Variants in PLAUR observed in about 807,000 individuals in gnomAD.
PLAUR encodes the protein urokinase plasminogen activator surface receptor.
A neutral mutation model predicts 33.4 loss-of-function variants in PLAUR; 22 were observed. The observed-to-expected ratio is 0.66, with a 90% confidence interval of 0.47 to 0.94. The LOEUF is 0.94. PLAUR is among the 40% of genes least tolerant of loss of function. The pLI is 0.00. For missense variants in PLAUR, 408 were observed against 434.7 expected (o/e 0.94, Z 0.55); for synonymous variants, 148 against 167.3 (o/e 0.88, Z 0.89).
rs1967315726 is a variant in PLAUR at position 43,667,652 on chromosome 19, C to CA, written c.94_95insT (p.Gly32ValfsTer97). 4 of 1,613,904 alleles carry CA rather than the reference C, an allele frequency of 2.5e-6. No individual in the cohort carries two copies. Among genetic ancestry groups the CA allele is most frequent in the Non-Finnish European group, 3.4e-6 (4 of 1,180,012 alleles). On this transcript the variant is annotated frameshift_variant, in exon 2 of 7. Coordinates refer to ENST00000340093, the MANE Select transcript of PLAUR (RefSeq NM_002659.4). ...GGCGCACTCTTCCACACGGCAATCC[C>CA]CGTTGGTCTTACACTGCATGCACCG...
At chr19:43,648,078 G>C (rs1354815834), downstream of PLAUR, among the ~76,000 whole-genome samples, 1 of 151,982 alleles carries the variant, frequency 6.6e-6, no homozygotes, top group Non-Finnish European at 1.5e-5. Flanking sequence ...GGCTATCTGG[G>C]GGTTGGCATG....
chr19:43,653,520 A>G (rs1345622335), intron 5 of PLAUR, among the ~76,000 whole-genome samples: 2 of 152,116 alleles, frequency 1.3e-5, no homozygotes, highest in East Asian at 3.8e-4. Flanking sequence ...GAACGTCAGC[A>G]CAGCGGCTCA....
intron 3 of PLAUR, among the ~76,000 whole-genome samples, chr19:43,659,593 C>G (rs533193341): frequency 6.6e-6 from 1 of 152,294 alleles, no homozygotes; most frequent in South Asian, 2.1e-4. Context: ...GCTCCAGACA[C>G]GCAACTGTCT....
chr19:43,668,717 G>A (rs894141728), intron 1 of PLAUR, among the ~76,000 whole-genome samples: 6 of 148,388 alleles, frequency 4.0e-5, no homozygotes, highest in Non-Finnish European at 7.5e-5. Flanking sequence ...CCTCCCCGAG[G>A]TTATAATCCT....
At chr19:43,663,811 A>G (rs1967112790) in intron 3 of PLAUR, among the ~76,000 whole-genome samples, 2 of 149,730 alleles carry the variant, frequency 1.3e-5, no homozygotes, top group African/African-American at 5.0e-5. Context: ...AAAAAAAAAC[A>G]AAAACAAAAG....
intron 6 of PLAUR, among the ~76,000 whole-genome samples, chr19:43,650,157 G>A (rs573431291): frequency 1.0e-4 from 15 of 147,104 alleles, no homozygotes; most frequent in Admixed American, 4.8e-4. Context: ...GACTACAGGC[G>A]CGACCACCAT....
intron 5 of PLAUR, among the ~76,000 whole-genome samples, chr19:43,652,722 C>T (rs1317713912): frequency 2.6e-5 from 4 of 152,118 alleles, no homozygotes; most frequent in Non-Finnish European, 2.9e-5. Flanking sequence ...GCAATTGTAG[C>T]TCACTGCAGC....
intron 6 of PLAUR, among the ~76,000 whole-genome samples, chr19:43,650,419 A>G (rs1239637921): frequency 6.8e-6 from 1 of 146,714 alleles, no homozygotes; most frequent in Non-Finnish European, 1.5e-5. Context: ...TCCACCTCCC[A>G]GGCTCAAGTG....
chr19:43,665,293 A>G, intron 3 of PLAUR, 23 bp downstream of exon 3: 1 of 1,612,182 alleles, frequency 6.2e-7, no homozygotes, highest in Non-Finnish European at 8.5e-7. Context: ...GGGGTTGGGG[A>G]TGGCAAGGGC....
At chr19:43,666,131 T>G (rs546761434) in intron 2 of PLAUR, among the ~76,000 whole-genome samples, 6 of 152,154 alleles carry the variant, frequency 3.9e-5, no homozygotes, top group Admixed American at 2.0e-4. Flanking sequence ...GGGGCAATCA[T>G]AGCTCACCAC....
At chr19:43,653,678 A>AAAGG (rs1188647745) in intron 5 of PLAUR, among the ~76,000 whole-genome samples, 1 of 150,224 alleles carries the variant, frequency 6.7e-6, no homozygotes, top group African/African-American at 2.5e-5. Context: ...AGAAAGGAAG[A>AAAGG]AAGAAAGAAA....
chr19:43,662,233 C>G (rs1161587291), intron 3 of PLAUR, among the ~76,000 whole-genome samples: 2 of 152,048 alleles, frequency 1.3e-5, no homozygotes, highest in Non-Finnish European at 2.9e-5. Flanking sequence ...CGCGGTGGCT[C>G]ACGTCTGTAA....
intron 1 of PLAUR, 81 bp downstream of exon 1, chr19:43,669,985 C>A (rs1967453923): frequency 7.4e-7 from 1 of 1,360,334 alleles, no homozygotes. Context: ...AACCGCATTC[C>A]TCCAACTCAT....
At chr19:43,648,300 CGAATA>C (rs1169560251), downstream of PLAUR, among the ~76,000 whole-genome samples, 5 of 152,022 alleles carry the variant, frequency 3.3e-5, no homozygotes, top group South Asian at 2.1e-4. Flanking sequence ...CTCAGCCTCC[CGAATA>C]GCTGGGACTA....
At chr19:43,658,591 C>T (rs559987484) in intron 3 of PLAUR, among the ~76,000 whole-genome samples, 2 of 152,302 alleles carry the variant, frequency 1.3e-5, no homozygotes, top group East Asian at 1.9e-4. Flanking sequence ...GGATCCGTTA[C>T]TTTTCCCTGG....
intron 1 of PLAUR, among the ~76,000 whole-genome samples, chr19:43,669,830 A>G (rs1333071276): frequency 1.3e-5 from 2 of 151,506 alleles, no homozygotes; most frequent in Non-Finnish European, 2.9e-5. Context: ...AAAAAAAAAA[A>G]AAAGCACTCA....
intron 6 of PLAUR, chr19:43,651,963 C>T (rs544843079): frequency 2.1e-4 from 247 of 1,178,452 alleles, no homozygotes; most frequent in East Asian, 3.1e-4. Flanking sequence ...AGAGATCCTC[C>T]GGCCTCAGCC....
chr19:43,664,181 T>C (rs1967128098), intron 3 of PLAUR, among the ~76,000 whole-genome samples: 1 of 151,456 alleles, frequency 6.6e-6, no homozygotes, highest in Non-Finnish European at 1.5e-5. Context: ...AACATCTGAT[T>C]TGGCCCCACC....
At chr19:43,661,616 T>G (rs1967000426) in intron 3 of PLAUR, 1 of 152,306 alleles carries the variant, frequency 6.6e-6, no homozygotes, top group South Asian at 2.1e-4. Context: ...AGGCTGGTCT[T>G]GAACTCATGA....
Sources: allele counts gnomAD v4.1 joint callset (sites outside exome capture counted in the v4.1 genomes callset), GRCh38; gene constraint gnomAD v4.1.1; transcripts MANE v1.5; gene names NCBI Gene and HGNC (gene_info 2026-07-23, HGNC 2026-07-21).